The following PTPRD variants were observed in gnomAD, a reference collection of about 807,000 sequenced individuals.
The protein encoded by PTPRD is protein tyrosine phosphatase receptor type D, also known as receptor-type tyrosine-protein phosphatase delta.
PTPRD carries 34 observed loss-of-function variants against 214.5 expected under a neutral mutation model. That is an observed-to-expected ratio of 0.16 (90% CI 0.12 to 0.21). The LOEUF is 0.21. Among genes scored for constraint, PTPRD ranks in the 10% least tolerant of loss-of-function variants. PTPRD has a pLI of 1.00. For synonymous variants in PTPRD, 1,128 were observed against 845.7 expected (o/e 1.33, Z -5.79); for missense variants, 2,545 against 2,398.7 (o/e 1.06, Z -1.27).
rs947423447 is a variant in PTPRD at position 10,304,990 on chromosome 9, A to G, written c.-545+35973T>C. 2.6e-5 allele frequency among the ~76,000 whole-genome samples: 4 copies of G among 152,248 alleles called. No individual in the cohort carries two copies. The East Asian group carries it at 5.8e-4, about 22-fold the overall frequency. ...AAGAGAACAAAGCTGGAGGCATCAC[A>G]CTACCTGACTTCAAACTATACTACA... On this transcript the variant is annotated intron_variant, in intron 3 of 45. Transcript: ENST00000381196.
At chr9:10,207,073 AT>A (rs1297925360) in intron 3 of PTPRD, among the ~76,000 whole-genome samples, 1 of 152,138 alleles carries the variant, frequency 6.6e-6, no homozygotes, top group African/African-American at 2.4e-5. Flanking sequence ...ATCTATCTAT[AT>A]CTCTATATGT....
chr9:8,775,158 AT>A (rs1156836975), intron 11 of PTPRD, among the ~76,000 whole-genome samples: 6 of 152,224 alleles, frequency 3.9e-5, no homozygotes, highest in African/African-American at 1.4e-4. Context: ...AAAATACATC[AT>A]TAAAAAATGT....
intron 8 of PTPRD, among the ~76,000 whole-genome samples, chr9:9,464,293 C>A (rs1465598563): frequency 2.0e-5 from 3 of 152,180 alleles, no homozygotes; most frequent in East Asian, 3.9e-4. Context: ...TCCCTCTCAC[C>A]CTCCCTGCTT....
chr9:8,878,063 T>C (rs2098409703), intron 11 of PTPRD, among the ~76,000 whole-genome samples: 1 of 152,232 alleles, frequency 6.6e-6, no homozygotes, highest in African/African-American at 2.4e-5. Context: ...AGTTTGAAGA[T>C]AAAGTGCTTT....
chr9:10,090,630 TA>T (rs1409492438), intron 3 of PTPRD, among the ~76,000 whole-genome samples: 1 of 145,218 alleles, frequency 6.9e-6, no homozygotes, highest in Non-Finnish European at 1.5e-5. Context: ...TATACATAAA[TA>T]AAAAAACCAC....
intron 4 of PTPRD, among the ~76,000 whole-genome samples, chr9:9,994,191 A>G (rs988253159): frequency 1.3e-5 from 2 of 152,162 alleles, no homozygotes; most frequent in African/African-American, 4.8e-5. Context: ...TTGCTCTAGC[A>G]GGGATTTGGG....
intron 7 of PTPRD, among the ~76,000 whole-genome samples, chr9:9,724,278 T>C (rs1156858340): frequency 3.3e-5 from 5 of 152,190 alleles, no homozygotes; most frequent in East Asian, 3.8e-4. Flanking sequence ...ATCTTTTATC[T>C]TAGGTCAATA....
intron 11 of PTPRD, among the ~76,000 whole-genome samples, chr9:9,008,765 G>T (rs2099494220): frequency 6.6e-6 from 1 of 152,084 alleles, no homozygotes; most frequent in South Asian, 2.1e-4. Context: ...ACTGGGATTT[G>T]CTGGTAATAT....
intron 2 of PTPRD, among the ~76,000 whole-genome samples, chr9:10,583,139 G>A (rs993060299): frequency 2.6e-5 from 4 of 152,150 alleles, no homozygotes; most frequent in African/African-American, 9.7e-5. Flanking sequence ...TTGTTCTTTT[G>A]CTGTTTATCT....
chr9:10,278,971 T>G (rs1325514980), intron 3 of PTPRD, among the ~76,000 whole-genome samples: 1 of 152,044 alleles, frequency 6.6e-6, no homozygotes, highest in African/African-American at 2.4e-5. Flanking sequence ...AGACGGGGCT[T>G]CACCGTGTTA....
At chr9:9,894,844 T>C (rs907985630) in intron 5 of PTPRD, among the ~76,000 whole-genome samples, 8 of 152,130 alleles carry the variant, frequency 5.3e-5, no homozygotes, top group African/African-American at 9.7e-5. Flanking sequence ...CTGTTTTTTT[T>C]CTGACACTTT....
chr9:8,904,628 C>T (rs1163822163), intron 11 of PTPRD, among the ~76,000 whole-genome samples: 1 of 147,332 alleles, frequency 6.8e-6, no homozygotes, highest in East Asian at 2.0e-4. Context: ...GCTGAGATCA[C>T]ACCACTGCAC....
chr9:8,755,295 C>T (rs768795275), intron 11 of PTPRD, among the ~76,000 whole-genome samples: 3 of 151,078 alleles, frequency 2.0e-5, no homozygotes, highest in Middle Eastern at 3.2e-3. Context: ...TTTGGGAGGC[C>T]GAGGTGGACG....
At chr9:8,838,122 A>G (rs2097477139) in intron 11 of PTPRD, among the ~76,000 whole-genome samples, 1 of 152,292 alleles carries the variant, frequency 6.6e-6, no homozygotes, top group East Asian at 1.9e-4. Context: ...TAAAACTCCA[A>G]TAATTGAAAG....
intron 8 of PTPRD, among the ~76,000 whole-genome samples, chr9:9,463,238 C>T (rs1248204539): frequency 6.6e-6 from 1 of 152,108 alleles, no homozygotes; most frequent in East Asian, 1.9e-4. Flanking sequence ...AATCAGGCAG[C>T]TAGGGATCAT....
chr9:8,613,514 C>A (rs929079170), intron 14 of PTPRD, among the ~76,000 whole-genome samples: 1 of 152,054 alleles, frequency 6.6e-6, no homozygotes, highest in African/African-American at 2.4e-5. Context: ...ATTAAAATAT[C>A]ATAGCATCAC....
chr9:9,859,559 C>T (rs1156238202), intron 5 of PTPRD, among the ~76,000 whole-genome samples: 1 of 152,148 alleles, frequency 6.6e-6, no homozygotes, highest in South Asian at 2.1e-4. Flanking sequence ...CACATAACTC[C>T]CCCCACCTTC....
intron 6 of PTPRD, among the ~76,000 whole-genome samples, chr9:9,742,004 G>A (rs560480891): frequency 2.6e-5 from 4 of 152,114 alleles, no homozygotes; most frequent in African/African-American, 4.8e-5. Flanking sequence ...TGGTATTTCC[G>A]GTTCTAGATC....
At chr9:8,551,204 T>C (rs1436598086) in intron 14 of PTPRD, among the ~76,000 whole-genome samples, 1 of 152,218 alleles carries the variant, frequency 6.6e-6, no homozygotes, top group African/African-American at 2.4e-5. Context: ...TTAACCTCCG[T>C]AGGCATTGGG....
Sources: allele counts gnomAD v4.1 joint callset (sites outside exome capture counted in the v4.1 genomes callset), GRCh38; gene constraint gnomAD v4.1.1; transcripts MANE v1.5; gene names NCBI Gene and HGNC (gene_info 2026-07-23, HGNC 2026-07-21).